ROBO1: variants seen among roughly 807,000 people sequenced by gnomAD.
ROBO1 encodes the protein roundabout guidance receptor 1, also known as roundabout homolog 1.
ROBO1 carries 149 observed loss-of-function variants against 195.9 expected under a neutral mutation model. The ratio of observed to expected loss-of-function variants is 0.76; its 90% CI spans 0.67 to 0.87. ROBO1 has a LOEUF of 0.87. Among genes scored for constraint, ROBO1 ranks in the 40% least tolerant of loss-of-function variants. The pLI, the probability that ROBO1 is intolerant of heterozygous loss-of-function variation, is 0.00. For missense variants in ROBO1, 1,933 were observed against 2,068.3 expected, an observed-to-expected ratio of 0.93 and a Z score of 1.27; for synonymous variants, 816 against 733.2, an observed-to-expected ratio of 1.11 and a Z score of -1.82.
intron 1 of ROBO1, among the ~76,000 whole-genome samples, chr3:79,612,939 G>A (rs2107930724): frequency 1.4e-4 from 1 of 7,216 alleles, no homozygotes; most frequent in East Asian, 3.7e-3. Flanking sequence ...GTCATCAAGG[G>A]GATCAAAAAT....
chr3:79,451,978 A>T (rs1241005092), intron 2 of ROBO1, among the ~76,000 whole-genome samples: 1 of 150,762 alleles, frequency 6.6e-6, no homozygotes, highest in Non-Finnish European at 1.5e-5. Flanking sequence ...TATTATTATT[A>T]TTCACTTATT....
chr3:78,967,818 CTTAAA>C (rs1233374452), intron 3 of ROBO1, among the ~76,000 whole-genome samples: 2 of 151,950 alleles, frequency 1.3e-5, no homozygotes, highest in East Asian at 1.9e-4. Flanking sequence ...GATAACTAGT[CTTAAA>C]TTAGGGTGAA....
intron 4 of ROBO1, among the ~76,000 whole-genome samples, chr3:78,864,010 A>C (rs535036323): frequency 1.3e-5 from 2 of 152,320 alleles, no homozygotes; most frequent in African/African-American, 4.8e-5. Flanking sequence ...CCATCATAGC[A>C]ATATAAGGGC....
At chr3:79,598,638 C>T (rs1560026109) in intron 1 of ROBO1, among the ~76,000 whole-genome samples, 1 of 152,072 alleles carries the variant, frequency 6.6e-6, no homozygotes, top group East Asian at 1.9e-4. Context: ...CCCAGACCTG[C>T]CTAACCCTCT....
chr3:78,898,590 C>G (rs1470555675), intron 4 of ROBO1, among the ~76,000 whole-genome samples: 1 of 151,430 alleles, frequency 6.6e-6, no homozygotes, highest in Admixed American at 6.6e-5. Flanking sequence ...GGGGTTTCAC[C>G]GTGTTAGCCA....
intron 8 of ROBO1, among the ~76,000 whole-genome samples, chr3:78,691,106 T>C (rs1351148261): frequency 6.6e-6 from 1 of 152,218 alleles, no homozygotes; most frequent in South Asian, 2.1e-4. Context: ...CTCTTCTATA[T>C]GTGTGTTAAA....
At chr3:78,878,680 T>C (rs1018144296) in intron 4 of ROBO1, among the ~76,000 whole-genome samples, 1 of 151,396 alleles carries the variant, frequency 6.6e-6, no homozygotes, top group African/African-American at 2.4e-5. Flanking sequence ...CAAGTTACTG[T>C]CTCAATCATA....
chr3:78,716,561 G>A (rs1166019057), intron 7 of ROBO1, among the ~76,000 whole-genome samples: 1 of 152,132 alleles, frequency 6.6e-6, no homozygotes, highest in African/African-American at 2.4e-5. Flanking sequence ...AGATTTGGGT[G>A]GGGACACAAA....
At chr3:78,909,703 T>C (rs935064687) in intron 4 of ROBO1, among the ~76,000 whole-genome samples, 7 of 151,698 alleles carry the variant, frequency 4.6e-5, no homozygotes, top group Non-Finnish European at 8.9e-5. Context: ...AAAAATGTAA[T>C]CACTTGATAT....
At chr3:79,479,358 C>T (rs1286383893) in intron 2 of ROBO1, among the ~76,000 whole-genome samples, 1 of 152,170 alleles carries the variant, frequency 6.6e-6, no homozygotes, top group African/African-American at 2.4e-5. Context: ...ATGCGCACTT[C>T]ACAATAGGGT....
chr3:79,119,078 C>T (rs1397425324), intron 3 of ROBO1, among the ~76,000 whole-genome samples: 1 of 152,084 alleles, frequency 6.6e-6, no homozygotes, highest in Non-Finnish European at 1.5e-5. Flanking sequence ...GAAATATCTA[C>T]ATATATATTT....
At chr3:78,673,051 T>G (rs1391092089) in intron 10 of ROBO1, among the ~76,000 whole-genome samples, 1 of 152,144 alleles carries the variant, frequency 6.6e-6, no homozygotes, top group East Asian at 1.9e-4. Flanking sequence ...GGATATGCAA[T>G]TGTATTTAAT....
intron 4 of ROBO1, among the ~76,000 whole-genome samples, chr3:78,833,249 T>G (rs746527180): frequency 8.5e-5 from 13 of 152,212 alleles, no homozygotes; most frequent in Non-Finnish European, 1.6e-4. Context: ...TTCATAAAAC[T>G]AGTTCATAAA....
intron 1 of ROBO1, among the ~76,000 whole-genome samples, chr3:79,625,615 G>T (rs916749614): frequency 6.6e-6 from 1 of 151,754 alleles, no homozygotes; most frequent in Non-Finnish European, 1.5e-5. Flanking sequence ...TAGAAGAAAT[G>T]GATACATTCC....
chr3:79,108,171 C>G (rs1031289409), intron 3 of ROBO1, among the ~76,000 whole-genome samples: 1 of 151,644 alleles, frequency 6.6e-6, no homozygotes, highest in Admixed American at 6.6e-5. Context: ...TTGATCAACT[C>G]TCTCTTTTTC....
chr3:79,595,836 A>G (rs1270679121), intron 1 of ROBO1, among the ~76,000 whole-genome samples: 1 of 151,434 alleles, frequency 6.6e-6, no homozygotes, highest in Middle Eastern at 3.2e-3. Flanking sequence ...TACAAGCATG[A>G]GCCACTGGAC....
intron 1 of ROBO1, among the ~76,000 whole-genome samples, chr3:79,661,539 TC>T (rs1280159199): frequency 6.6e-6 from 1 of 152,046 alleles, no homozygotes; most frequent in Non-Finnish European, 1.5e-5. Context: ...TCCTTTTTTT[TC>T]TATCGTCTTT....
At chr3:78,732,465 A>G (rs1410268393) in intron 5 of ROBO1, among the ~76,000 whole-genome samples, 1 of 152,160 alleles carries the variant, frequency 6.6e-6, no homozygotes, top group Non-Finnish European at 1.5e-5. Flanking sequence ...TGTAGGACTA[A>G]TGTTGTAAGG....
chr3:79,242,593 T>C (rs774959706), intron 2 of ROBO1, among the ~76,000 whole-genome samples: 13 of 152,166 alleles, frequency 8.5e-5, no homozygotes, highest in Admixed American at 3.3e-4. Context: ...CAGAGAGCAA[T>C]GGATGCTTTA....
Sources: allele counts gnomAD v4.1 joint callset (sites outside exome capture counted in the v4.1 genomes callset), GRCh38; gene constraint gnomAD v4.1.1; transcripts MANE v1.5; gene names NCBI Gene and HGNC (gene_info 2026-07-23, HGNC 2026-07-21).